ZFAT: variants seen among roughly 807,000 people sequenced by gnomAD.
The protein encoded by ZFAT is zinc finger and AT-hook domain containing, also known as zinc finger protein ZFAT.
A neutral mutation model predicts 117.7 loss-of-function variants in ZFAT; 64 were observed. The observed-to-expected ratio is 0.54, with a 90% CI of 0.44 to 0.67. The LOEUF is 0.67. ZFAT is among the 30% of genes least tolerant of loss of function. ZFAT has a pLI of 0.00. For missense variants in ZFAT, 1,433 were observed against 1,584.5 expected (o/e 0.90, Z 1.62); for synonymous variants, 679 against 615.0 (o/e 1.10, Z -1.54).
intron 11 of ZFAT, among the ~76,000 whole-genome samples, chr8:134,564,265 C>G (rs978915516): frequency 6.6e-6 from 1 of 151,942 alleles, no homozygotes; most frequent in African/African-American, 2.4e-5. Context: ...CTAGCCTTGG[C>G]CCTGCCTAAG....
chr8:134,558,940 G>A (rs16905176), intron 11 of ZFAT, among the ~76,000 whole-genome samples: 1,665 of 152,276 alleles, frequency 0.011, 31 homozygotes, highest in African/African-American at 0.038. Flanking sequence ...TTTGCTATGA[G>A]ACCTCATCAC....
the ZFAT span, chr8:134,794,346 C>A: frequency 6.6e-6 from 1 of 152,226 alleles, no homozygotes; most frequent in East Asian, 1.9e-4. Context: ...CATGTTCAAC[C>A]TGTTACACAT....
rs1308342141 is a variant in ZFAT at position 134,600,574 on chromosome 8, G to C, written c.2337C>G (p.Ser779=). 1.9e-6 allele frequency: 3 copies of C among 1,613,970 alleles called. No individual in the cohort carries two copies. The highest frequency in any genetic ancestry group is 2.5e-6 in the Non-Finnish European group (3 of 1,180,040). ...LYYCSQCHYS[S]ITKNCLKRHV... ...GGCGTTTAAGGCAGTTTTTGGTGAT[G>C]GAAGAATAATGACACTGAGAGCAAT... The change falls in exon 7 of 16, where the codon TCC becomes TCG. Residue 779 remains serine, a synonymous_variant. Transcript: ENST00000377838.
At chr8:134,644,103 G>A (rs1319950292) in intron 2 of ZFAT, among the ~76,000 whole-genome samples, 1 of 152,138 alleles carries the variant, frequency 6.6e-6, no homozygotes. Context: ...AGAGGCACTC[G>A]CCCTGCTGCA....
upstream of ZFAT, among the ~76,000 whole-genome samples, chr8:134,713,331 G>A (rs1416267862): frequency 6.6e-6 from 1 of 152,250 alleles, no homozygotes; most frequent in African/African-American, 2.4e-5. Context: ...CGCCGAGCTG[G>A]GCGTGCAAGG....
At chr8:134,759,041 G>C in the ZFAT span, among the ~76,000 whole-genome samples, 1 of 152,166 alleles carries the variant, frequency 6.6e-6, no homozygotes, top group African/African-American at 2.4e-5. Context: ...CTATTGGAGT[G>C]ACAAACAGCA....
intron 11 of ZFAT, among the ~76,000 whole-genome samples, chr8:134,538,536 G>A (rs568900993): frequency 5.3e-5 from 8 of 152,230 alleles, no homozygotes; most frequent in Admixed American, 2.0e-4. Context: ...AGTGGCTCAC[G>A]CCTGTAATCC....
chr8:134,819,808 A>C, the ZFAT span, among the ~76,000 whole-genome samples: 1 of 152,214 alleles, frequency 6.6e-6, no homozygotes, highest in Non-Finnish European at 1.5e-5. Context: ...ATTATTTCAA[A>C]GGTTTCAAAA....
the ZFAT span, among the ~76,000 whole-genome samples, chr8:134,783,221 C>T: frequency 6.6e-6 from 1 of 152,156 alleles, no homozygotes; most frequent in South Asian, 2.1e-4. Flanking sequence ...CTGGGGTTGG[C>T]AAAAGTATTC....
intron 7 of ZFAT, among the ~76,000 whole-genome samples, chr8:134,592,748 A>C (rs1826606603): frequency 6.6e-6 from 1 of 152,180 alleles, no homozygotes; most frequent in Admixed American, 6.5e-5. Flanking sequence ...GGAGTCTCCG[A>C]GAGCGGGATC....
intron 1 of ZFAT, among the ~76,000 whole-genome samples, chr8:134,674,359 T>G (rs1832693975): frequency 6.6e-6 from 1 of 152,176 alleles, no homozygotes; most frequent in Non-Finnish European, 1.5e-5. Context: ...CTCGAAATTC[T>G]CACTGCTAGC....
At chr8:134,487,078 G>A (rs563436778) in intron 15 of ZFAT, among the ~76,000 whole-genome samples, 1 of 151,942 alleles carries the variant, frequency 6.6e-6, no homozygotes, top group East Asian at 1.9e-4. Flanking sequence ...AGGTTTATGG[G>A]TGTGTGTGTA....
intron 2 of ZFAT, among the ~76,000 whole-genome samples, chr8:134,649,161 T>TCTCTCA (rs1491562928): frequency 2.1e-5 from 2 of 95,196 alleles, no homozygotes; most frequent in Non-Finnish European, 3.9e-5. Flanking sequence ...AGAACATCTA[T>TCTCTCA]CTCTCACACA....
intron 15 of ZFAT, among the ~76,000 whole-genome samples, chr8:134,483,269 A>G (rs551364873): frequency 5.0e-4 from 76 of 152,056 alleles, no homozygotes; most frequent in African/African-American, 1.8e-3. Flanking sequence ...TTGTGTTCCC[A>G]TTTTACAAAT....
intron 3 of ZFAT, among the ~76,000 whole-genome samples, chr8:134,635,051 C>T (rs1830121971): frequency 6.6e-6 from 1 of 152,182 alleles, no homozygotes; most frequent in African/African-American, 2.4e-5. Flanking sequence ...GCTGATCTGT[C>T]AGGAGGCAGA....
intron 15 of ZFAT, among the ~76,000 whole-genome samples, chr8:134,495,854 G>GGGGATCGCTTGA (rs1818397202): frequency 1.3e-5 from 2 of 152,136 alleles, no homozygotes; most frequent in South Asian, 4.1e-4. Context: ...CGCTTGAGTA[G>GGGGATCGCTTGA]GGGAGGTTGA....
At chr8:134,803,430 G>C in the ZFAT span, among the ~76,000 whole-genome samples, 1 of 152,240 alleles carries the variant, frequency 6.6e-6, no homozygotes, top group East Asian at 1.9e-4. Context: ...TGCTAAAACA[G>C]AGGGCCACAG....
At chr8:134,774,059 GATCTC>G in the ZFAT span, among the ~76,000 whole-genome samples, 1 of 127,788 alleles carries the variant, frequency 7.8e-6, no homozygotes, top group African/African-American at 3.0e-5. Flanking sequence ...GCAGCGGCAC[GATCTC>G]AGCTCACTGC....
chr8:134,624,180 G>GCGCA (rs1357559072), intron 3 of ZFAT, among the ~76,000 whole-genome samples: 134 of 146,298 alleles, frequency 9.2e-4, no homozygotes, highest in Non-Finnish European at 1.3e-3. Context: ...ATGTGCACAT[G>GCGCA]CACACACACA....
Sources: gnomAD v4.1 joint callset for allele counts (sites outside exome capture counted in the v4.1 genomes callset) on GRCh38, gnomAD v4.1.1 for gene constraint, MANE v1.5 for transcripts, NCBI Gene and HGNC (gene_info 2026-07-23, HGNC 2026-07-21) for gene names.